Variants in PLEKHG4B observed in about 807,000 individuals in gnomAD.
PLEKHG4B encodes pleckstrin homology domain-containing family G member 4B.
In PLEKHG4B, 111 loss-of-function variants were observed where a neutral mutation model predicts 121.3. The ratio of observed to expected loss-of-function variants is 0.92; its 90% CI spans 0.78 to 1.07. The LOEUF (loss-of-function observed/expected upper bound fraction) is 1.07, where lower values mean the gene tolerates loss of function less well. PLEKHG4B is among the 50% of genes least tolerant of loss of function. PLEKHG4B has a pLI of 0.00. For synonymous variants in PLEKHG4B, 738 were observed against 725.0 expected (o/e 1.02, Z -0.29); for missense variants, 1,831 against 1,757.8 (o/e 1.04, Z -0.74).
chr5:135,461 C>T (rs10037256), intron 2 of PLEKHG4B, among the ~76,000 whole-genome samples: 26,835 of 148,590 alleles, frequency 0.18, 3,312 homozygotes, highest in African/African-American at 0.35. Flanking sequence ...GTCAGCAGAT[C>T]GAGACCATCC....
At chr5:120,695 C>T (rs560139240) in intron 2 of PLEKHG4B, among the ~76,000 whole-genome samples, 4 of 152,154 alleles carry the variant, frequency 2.6e-5, no homozygotes, top group Non-Finnish European at 5.9e-5. Context: ...AAGAACATTT[C>T]CTCTTGAAAG....
rs953377691 is a variant in PLEKHG4B, at chr5:163,406, G to C, written c.3334G>C (p.Glu1112Gln). 1.2e-6 allele frequency: 2 copies of C among 1,612,918 alleles called. No homozygotes were observed. The highest frequency in any genetic ancestry group is 2.7e-5 in the African/African-American group (2 of 74,954). ...DHTSVFSKGL[E>Q]VTSTVATEKK... is the part of the protein sequence containing the mutation. ...TACTAGTGTCTTCAGCAAGGGCCTG[G>C]AGGTAACCAGCACTGTAGCCACAGA... Residue 1112 changes from glutamate to glutamine, a missense_variant, in exon 13 of 20, where the codon GAG becomes CAG. Glu to Gln is a conservative substitution (Grantham distance 29). Transcript: ENST00000637938.
chr5:171,540 A>T, intron 16 of PLEKHG4B, 96 bp downstream of exon 16: 2 of 1,211,710 alleles, frequency 1.7e-6, no homozygotes, highest in Non-Finnish European at 2.3e-6. Flanking sequence ...TTTCTTGGTG[A>T]TGTGCTGGCA....
intron 18 of PLEKHG4B, among the ~76,000 whole-genome samples, 165 bp from the exon 19 acceptor site, chr5:181,349 G>A (rs1240041949): frequency 6.6e-6 from 1 of 152,156 alleles, no homozygotes; most frequent in Non-Finnish European, 1.5e-5. Context: ...AAACCGGAAT[G>A]GGAAGCCTCA....
rs148093963 is a variant in PLEKHG4B, at chr5:160,335, T to C, written c.2488-1448T>C. ...CTCTGCTTCCTTCACAGCCTGTGGG[T>C]GTTGACTCTGGATACATTCCTAGGC... On this transcript the variant is annotated intron_variant, in intron 11 of 19. Transcript: ENST00000637938. Among the ~76,000 whole-genome samples, 705 of 152,308 alleles carry C rather than the reference T, an allele frequency of 4.6e-3. 6 individuals are homozygous for C. Among genetic ancestry groups the C allele is most frequent in the South Asian group, 0.02 (96 of 4,832 alleles).
At chr5:104,359 G>GA (rs1733912149) in intron 1 of PLEKHG4B, among the ~76,000 whole-genome samples, 1 of 152,258 alleles carries the variant, frequency 6.6e-6, no homozygotes, top group South Asian at 2.1e-4. Context: ...TTAATTGCCA[G>GA]AAAAAACTCA....
Position 100,387 on chromosome 5 carries a change from C to T in PLEKHG4B, c.45+8111C>T, listed in dbSNP as rs576601464. On this transcript the variant is annotated intron_variant, in intron 1 of 19. Coordinates refer to ENST00000637938, the MANE Select transcript of PLEKHG4B (RefSeq NM_052909.5). ...GTTGTGAGGTTAATCCATATAAAGC[C>T]CTGGAAAAAGCCTGTAGGGGAGAGA... is the stretch of plus-strand genomic sequence containing the variant. Among the ~76,000 whole-genome samples, 379 of 150,438 alleles carry T rather than the reference C, an allele frequency of 2.5e-3. 6 individuals carry two copies. The Middle Eastern group carries it at 0.027, about 11-fold the overall frequency.
Position 159,218 on chromosome 5 carries a change from AGGGTCGCCC to A in PLEKHG4B, c.2487+2308_2487+2316del, listed in dbSNP as rs1560938152. 5.1e-4 allele frequency among the ~76,000 whole-genome samples: 60 copies of A among 117,622 alleles called. No homozygotes were observed. Among genetic ancestry groups the A allele is most frequent in the African/African-American group, 2.3e-3 (56 of 23,944 alleles). The allele number at this position is 117,622 out of a possible 152,430, so 77.2% of individuals were successfully genotyped here. On this transcript the variant is annotated intron_variant, in intron 11 of 19. Coordinates refer to ENST00000637938, the MANE Select transcript of PLEKHG4B (RefSeq NM_052909.5). The surrounding 1 kb of genome is among the most constrained non-coding windows in gnomAD (Gnocchi z 5.5). The stretch of plus-strand genomic sequence containing the variant: ...CCTGAGGGTGGCCCAGGTGTGCCTG[AGGGTCGCCC>A]AGGTGCACTGAGGGCAGGTGTGCCT...
rs1162207143 is a variant in PLEKHG4B, at chr5:159,172, G to T, written c.2487+2261G>T. Among the ~76,000 whole-genome samples the T allele has an allele frequency of 6.6e-6, 1 of 151,810 alleles. No homozygotes were observed. Among genetic ancestry groups the T allele is most frequent in the African/African-American group, 2.4e-5 (1 of 41,302 alleles). On this transcript the variant is annotated intron_variant, in intron 11 of 19. Transcript: ENST00000637938. This position sits in a 1 kb window ranked among gnomAD's most constrained non-coding sequence, Gnocchi z 5.5. ...GGCAGGTGTGCCCGAGGGTCACCCA[G>T]GTGCACTGAGAGCAGGTGTGCCTGA...
chr5:148,356 AAT>A (rs1491009398), intron 6 of PLEKHG4B, among the ~76,000 whole-genome samples: 24 of 149,290 alleles, frequency 1.6e-4, no homozygotes, highest in Non-Finnish European at 2.4e-4. Flanking sequence ...AAAAAAAAAA[AAT>A]AAATAAAAAT....
At chr5:181,178 C>G (rs1451474829) in intron 18 of PLEKHG4B, among the ~76,000 whole-genome samples, 1 of 152,190 alleles carries the variant, frequency 6.6e-6, no homozygotes, top group Non-Finnish European at 1.5e-5. Flanking sequence ...GGCCTCTGAC[C>G]CCTGCTCTAA....
chr5:179,513 G>C (rs1458046163), intron 18 of PLEKHG4B: 1 of 152,600 alleles, frequency 6.6e-6, no homozygotes, highest in Non-Finnish European at 1.5e-5. Context: ...GGCTCCTCCT[G>C]GTGTGTGAAC....
chr5:173,058 G>T lies in PLEKHG4B; in HGVS notation c.4212G>T (p.Gln1404His), dbSNP rs1226528726. ...EGSHDVYLYK[Q>H]SFKTAEIGMT... ...GCCACGACGTCTACCTGTACAAGCAGTCCTTCAAGGTAGCACCCGCCCGGT... is the reference window on the plus strand; with the variant it reads ...GCCACGACGTCTACCTGTACAAGCATTCCTTCAAGGTAGCACCCGCCCGGT... The change falls in exon 17 of 20, where the codon CAG becomes CAT. Residue 1404 changes from glutamine to histidine, a missense_variant. Transcript: ENST00000637938. 6.2e-7 allele frequency: 1 copy of T among 1,613,968 alleles called. No homozygotes were observed. The highest frequency in any genetic ancestry group is 2.2e-5 in the East Asian group (1 of 44,870).
chr5:129,427 C>T (rs1336353817), intron 2 of PLEKHG4B, among the ~76,000 whole-genome samples: 2 of 152,242 alleles, frequency 1.3e-5, no homozygotes, highest in Admixed American at 1.3e-4. Context: ...GCCCTCCAAA[C>T]TTGAGATGTC....
intron 1 of PLEKHG4B, among the ~76,000 whole-genome samples, chr5:98,837 C>CTTTT (rs925964165): frequency 2.1e-4 from 17 of 79,238 alleles, no homozygotes; most frequent in African/African-American, 8.9e-4. Flanking sequence ...TTGAATTTTC[C>CTTTT]TTTTTTTTTT....
Position 182,257 on chromosome 5 carries a change from G to A in PLEKHG4B, c.4818G>A (p.Thr1606=), listed in dbSNP as rs144620343. Residue 1606 remains threonine (T), a synonymous_variant, in exon 20 of 20, where the codon ACG becomes ACA. Coordinates refer to ENST00000637938, the MANE Select transcript of PLEKHG4B (RefSeq NM_052909.5). ...ATGAGCCAGAGCCAGAACTAGAGAC[G>A]GGCACCCAGGCTGCAGTGTGTGAGG... The part of the protein sequence containing the change: ...EEDEPEPELE[T]GTQAAVCEGA... 2.9e-3 allele frequency: 4,751 copies of A among 1,613,302 alleles called. 11 individuals are homozygous for A. The highest frequency in any genetic ancestry group is 3.3e-3 in the Non-Finnish European group (3,918 of 1,180,006).
At chr5:96,693 G>A (rs1733635749) in intron 1 of PLEKHG4B, among the ~76,000 whole-genome samples, 1 of 152,138 alleles carries the variant, frequency 6.6e-6, no homozygotes, top group African/African-American at 2.4e-5. Flanking sequence ...AGCATTCCAT[G>A]GCAGCAACCC....
chr5:159,406 TC>T lies in PLEKHG4B; in HGVS notation c.2488-2375del, dbSNP rs144396530. On this transcript the variant is annotated intron_variant, in intron 11 of 19. Coordinates refer to ENST00000637938, the MANE Select transcript of PLEKHG4B (RefSeq NM_052909.5). This position sits in a 1 kb window ranked among gnomAD's most constrained non-coding sequence, Gnocchi z 5.5. The stretch of plus-strand genomic sequence containing the variant: ...CTCGCATTTCCCACAGCTCCACACT[TC>T]CATCTGGTTCTGGAGTTTTCTGTCC... Among the ~76,000 whole-genome samples the T allele has an allele frequency of 0.071, 10,759 of 152,210 alleles. 486 individuals are homozygous for T. The highest frequency in any genetic ancestry group is 0.091 in the Non-Finnish European group (6,176 of 67,974).
intron 17 of PLEKHG4B, 136 bp from the exon 18 acceptor site, chr5:173,782 G>A (rs1260949047): frequency 1.9e-5 from 19 of 1,016,172 alleles, no homozygotes; most frequent in East Asian, 1.8e-4. Context: ...GTGTGGTCTC[G>A]CTCACCCTGA....
Sources: allele counts gnomAD v4.1 joint callset (sites outside exome capture counted in the v4.1 genomes callset), GRCh38; gene constraint gnomAD v4.1.1; non-coding constraint Gnocchi (gnomAD v3.1); transcripts MANE v1.5; gene names NCBI Gene and HGNC (gene_info 2026-07-23, HGNC 2026-07-21).